Variants in PHLPP1 observed in about 807,000 individuals in gnomAD.
The protein encoded by PHLPP1 is PH domain leucine-rich repeat-containing protein phosphatase 1.
A neutral mutation model predicts 117.2 loss-of-function variants in PHLPP1; 42 were observed. The observed-to-expected ratio is 0.36, with a 90% confidence interval of 0.28 to 0.46. PHLPP1 has a LOEUF of 0.46. PHLPP1 is among the 20% of genes least tolerant of loss of function. The pLI is 1.00. For synonymous variants in PHLPP1, 1,042 were observed against 970.7 expected (o/e 1.07, Z -1.37); for missense variants, 2,084 against 2,241.9 (o/e 0.93, Z 1.42).
intron 10 of PHLPP1, among the ~76,000 whole-genome samples, chr18:62,930,183 A>G (rs1909765331): frequency 6.6e-6 from 1 of 152,180 alleles, no homozygotes; most frequent in South Asian, 2.1e-4. Flanking sequence ...TTCCTTAAAT[A>G]CCAGAAAAAT....
chr18:62,753,828 A>G (rs936903048), intron 1 of PHLPP1, among the ~76,000 whole-genome samples: 1 of 152,206 alleles, frequency 6.6e-6, no homozygotes, highest in Admixed American at 6.5e-5. Flanking sequence ...AATTAATGAA[A>G]TTGACTGTTT....
intron 12 of PHLPP1, among the ~76,000 whole-genome samples, chr18:62,957,948 T>TA (rs1369657849): frequency 6.6e-6 from 1 of 152,226 alleles, no homozygotes; most frequent in Non-Finnish European, 1.5e-5. Context: ...CCTCAGGTGA[T>TA]ACGCCTGCCT....
intron 1 of PHLPP1, among the ~76,000 whole-genome samples, chr18:62,764,177 A>C (rs34740786): frequency 0.055 from 8,336 of 150,702 alleles, 343 homozygotes; most frequent in Middle Eastern, 0.086. Context: ...AAAAAAAAAA[A>C]AAAAAACAAC....
chr18:62,764,645 G>A (rs770526227), intron 1 of PHLPP1, among the ~76,000 whole-genome samples: 5 of 147,702 alleles, frequency 3.4e-5, no homozygotes, highest in Admixed American at 6.7e-5. Flanking sequence ...CCAGCTACTC[G>A]AGAGGCTGAG....
chr18:62,973,053 A>G (rs1412552632), intron 15 of PHLPP1, among the ~76,000 whole-genome samples: 4 of 152,102 alleles, frequency 2.6e-5, no homozygotes, highest in African/African-American at 9.7e-5. Flanking sequence ...GGCTTTTTAG[A>G]CTTTCTGTTG....
chr18:62,804,304 C>A (rs546918506), intron 1 of PHLPP1, among the ~76,000 whole-genome samples: 1 of 152,030 alleles, frequency 6.6e-6, no homozygotes, highest in Non-Finnish European at 1.5e-5. Context: ...GTAAGGGTTA[C>A]GATTTATGAT....
chr18:62,881,136 G>A (rs904376557), intron 4 of PHLPP1, among the ~76,000 whole-genome samples: 1 of 152,206 alleles, frequency 6.6e-6, no homozygotes, highest in African/African-American at 2.4e-5. Flanking sequence ...CCCATGTACT[G>A]TGGACACTGA....
At chr18:62,836,825 G>T (rs1023739459) in intron 2 of PHLPP1, among the ~76,000 whole-genome samples, 1 of 152,002 alleles carries the variant, frequency 6.6e-6, no homozygotes, top group African/African-American at 2.4e-5. Context: ...ACTTTGGGAG[G>T]CCAAGGCTGT....
intron 10 of PHLPP1, among the ~76,000 whole-genome samples, chr18:62,937,479 G>A (rs1057504451): frequency 2.0e-5 from 3 of 152,156 alleles, no homozygotes; most frequent in African/African-American, 4.8e-5. Flanking sequence ...TAGAAAAAAA[G>A]GACCTATGAA....
At chr18:62,861,115 A>AT (rs1915621508) in intron 4 of PHLPP1, among the ~76,000 whole-genome samples, 1 of 151,724 alleles carries the variant, frequency 6.6e-6, no homozygotes, top group African/African-American at 2.4e-5. Flanking sequence ...CTGCTCCTTT[A>AT]TTTTTTATTT....
chr18:62,938,994 C>CTTTCTTTCTTTCTTTT (rs368316862), intron 10 of PHLPP1, among the ~76,000 whole-genome samples: 55 of 128,692 alleles, frequency 4.3e-4, no homozygotes, highest in Non-Finnish European at 7.1e-4. Context: ...TTCTTTCTTT[C>CTTTCTTTCTTTCTTTT]TTTTTTTTTT....
chr18:62,803,939 G>T (rs1038661901), intron 1 of PHLPP1, among the ~76,000 whole-genome samples: 1 of 152,132 alleles, frequency 6.6e-6, no homozygotes, highest in Non-Finnish European at 1.5e-5. Context: ...CTGAAACTAA[G>T]ATTTTTATTG....
intron 9 of PHLPP1, among the ~76,000 whole-genome samples, chr18:62,915,592 G>A (rs1306625695): frequency 1.3e-5 from 2 of 151,994 alleles, no homozygotes; most frequent in Non-Finnish European, 2.9e-5. Context: ...AAACAGCCAC[G>A]CGATGACTTC....
intron 12 of PHLPP1, among the ~76,000 whole-genome samples, chr18:62,947,216 A>G (rs1307843068): frequency 2.0e-5 from 3 of 152,240 alleles, no homozygotes; most frequent in Non-Finnish European, 4.4e-5. Context: ...AAAGAAAGAA[A>G]AGAATTGGTA....
chr18:62,892,425 A>G (rs1387718307), intron 4 of PHLPP1, among the ~76,000 whole-genome samples: 2 of 151,736 alleles, frequency 1.3e-5, no homozygotes, highest in Admixed American at 1.3e-4. Context: ...GAATCTTTTA[A>G]TATCTGGCTG....
intron 1 of PHLPP1, among the ~76,000 whole-genome samples, chr18:62,724,382 A>G (rs1282042776): frequency 6.6e-6 from 1 of 152,254 alleles, no homozygotes; most frequent in Admixed American, 6.5e-5. Flanking sequence ...AGTCAGTAGG[A>G]GAAAAAACAT....
intron 12 of PHLPP1, among the ~76,000 whole-genome samples, chr18:62,953,899 C>T (rs749297022): frequency 7.9e-5 from 12 of 152,010 alleles, no homozygotes; most frequent in South Asian, 2.1e-4. Flanking sequence ...ATCTAGCAGC[C>T]GGTAGGTTAA....
At chr18:62,840,434 A>G (rs1445295540) in intron 3 of PHLPP1, among the ~76,000 whole-genome samples, 2 of 152,230 alleles carry the variant, frequency 1.3e-5, no homozygotes, top group African/African-American at 4.8e-5. Context: ...GTGATATTAG[A>G]AGTATACTTG....
rs185596437 is a variant in PHLPP1, at chr18:62,739,693, A to G, written c.1576+22434A>G. On this transcript the variant is annotated intron_variant, in intron 1 of 16. Coordinates refer to ENST00000262719, the MANE Select transcript of PHLPP1 (RefSeq NM_194449.4). ...AGAAATAAGCAGGCATGGAGCATCCATGAAGGAGTTAACCCTAGGTGGGAA... is the reference window on the plus strand; with the variant it reads ...AGAAATAAGCAGGCATGGAGCATCCGTGAAGGAGTTAACCCTAGGTGGGAA... Among the ~76,000 whole-genome samples, 13 of 152,306 alleles carry G rather than the reference A, an allele frequency of 8.5e-5. No individual in the cohort carries two copies. The East Asian group carries it at 2.1e-3, about 25-fold the overall frequency.
Sources: gnomAD v4.1 joint callset for allele counts (sites outside exome capture counted in the v4.1 genomes callset) on GRCh38, gnomAD v4.1.1 for gene constraint, MANE v1.5 for transcripts, NCBI Gene and HGNC (gene_info 2026-07-23, HGNC 2026-07-21) for gene names.